FAM107A: variants seen among roughly 807,000 people sequenced by gnomAD.
FAM107A encodes family with sequence similarity 107 member A.
Under a neutral mutation model 13.7 loss-of-function variants are expected in FAM107A, and 19 were observed. The ratio of observed to expected loss-of-function variants is 1.38; its 90% CI spans 0.97 to 2.03. The LOEUF is 2.03. Ranked by LOEUF, FAM107A falls within the 30% of genes most tolerant of loss-of-function variation. The pLI, the probability that FAM107A is intolerant of heterozygous loss-of-function variation, is 0.00. For missense variants in FAM107A, 203 were observed against 184.4 expected (o/e 1.10, Z -0.58); for synonymous variants, 82 against 74.5 (o/e 1.10, Z -0.52).
chr3:58,611,968 T>C (rs990690379), intron 1 of FAM107A, among the ~76,000 whole-genome samples: 1 of 152,142 alleles, frequency 6.6e-6, no homozygotes, highest in Admixed American at 6.5e-5. Context: ...TGTGGTTTTT[T>C]TTCTTCTTCT....
At chr3:58,577,408 G>A (rs1575443278), upstream of FAM107A, 2 of 985,394 alleles carry the variant, frequency 2.0e-6, no homozygotes, top group South Asian at 4.7e-5. The surrounding 1 kb of genome is among the most constrained non-coding windows in gnomAD (Gnocchi z 4.9). Context: ...TGCCTCTAGA[G>A]GGCGGTTCTT....
intron 1 of FAM107A, among the ~76,000 whole-genome samples, chr3:58,583,829 C>G (rs2065575002): frequency 6.6e-6 from 1 of 152,030 alleles, no homozygotes; most frequent in Admixed American, 6.5e-5. Flanking sequence ...CACAGGCATG[C>G]ACCACCATGC....
At chr3:58,599,095 C>T (rs991729605) in intron 1 of FAM107A, among the ~76,000 whole-genome samples, 1 of 151,984 alleles carries the variant, frequency 6.6e-6, no homozygotes, top group Non-Finnish European at 1.5e-5. Context: ...GCATGTACCA[C>T]CATGCCTGGC....
At position 58,614,503 on chromosome 3, in the gene FAM107A, TTTC is replaced by T. The variant is rs1320360716; in HGVS notation, c.-70+12910_-70+12912del. 3.0e-3 allele frequency among the ~76,000 whole-genome samples: 433 copies of T among 143,952 alleles called. 1 individual carries two copies. The highest frequency in any genetic ancestry group is 0.012 in the African/African-American group (416 of 35,090). The allele number at this position is 143,952 out of a possible 152,430, so 94.4% of individuals were successfully genotyped here. A position where few individuals can be genotyped will look rare whatever the true frequency, so the allele number is the denominator to read the frequency against. ...TGATTCAATTTCTTATCTTTCTTTC[TTTC>T]TTTTTTTTTTTTTTTGAGATGCAGT... On this transcript the variant is annotated intron_variant, in intron 1 of 3. Transcript: ENST00000465970.
rs375044401 is a variant in FAM107A at position 58,585,996 on chromosome 3, T to C, written c.79+862A>G. 8.5e-5 allele frequency among the ~76,000 whole-genome samples: 13 copies of C among 152,190 alleles called. No homozygotes were observed. The East Asian group carries it at 2.3e-3, about 27-fold the overall frequency. On this transcript the variant is annotated intron_variant, in intron 1 of 3. Transcript: ENST00000447756. The stretch of plus-strand genomic sequence containing the variant: ...GCACCTATCATCCAACCCCCAACCT[T>C]AAGAAATGAAACCACCCAGTGTTTC...
At chr3:58,598,961 G>C (rs1008921927) in intron 1 of FAM107A, among the ~76,000 whole-genome samples, 3 of 151,474 alleles carry the variant, frequency 2.0e-5, no homozygotes, top group African/African-American at 7.3e-5. Flanking sequence ...TTTTTTTTGA[G>C]ACGGAGTTTT....
intron 1 of FAM107A, among the ~76,000 whole-genome samples, chr3:58,570,671 G>T (rs917254792): frequency 4.9e-5 from 7 of 143,808 alleles, no homozygotes; most frequent in Non-Finnish European, 9.1e-5. Flanking sequence ...GGCCTCAAAG[G>T]TATAGACACT....
intron 1 of FAM107A, among the ~76,000 whole-genome samples, chr3:58,618,154 A>AG (rs1298161618): frequency 1.3e-5 from 2 of 152,186 alleles, no homozygotes; most frequent in Non-Finnish European, 2.9e-5. Flanking sequence ...GTGAGGCTCA[A>AG]GGGGGGTAGG....
chr3:58,613,620 T>C lies in FAM107A; in HGVS notation c.-70+13796A>G, dbSNP rs1334779580. The stretch of plus-strand genomic sequence containing the variant: ...AGAACACTGTTGCCCTCTTTTTGCC[T>C]GGCTTCTTCCTTCAGGACTCTGCTT... On this transcript the variant is annotated intron_variant, in intron 1 of 3. Transcript: ENST00000465970. The surrounding 1 kb of genome is among the most constrained non-coding windows in gnomAD (Gnocchi z 4.6). 6.6e-6 allele frequency among the ~76,000 whole-genome samples: 1 copy of C among 152,224 alleles called. No homozygotes were observed. Among genetic ancestry groups the C allele is most frequent in the African/African-American group, 2.4e-5 (1 of 41,470 alleles).
chr3:58,569,867 T>C lies in FAM107A; in HGVS notation c.-5-2A>G. ...TCTGGATCTCCGAGTACATGGCGGC[T>C]GTAGAGATGGGCAGAGGAGTAGCTC... On this transcript the variant is annotated splice_acceptor_variant, in intron 1 of 3. Transcript: ENST00000360997. LOFTEE classifies it low-confidence loss of function (5UTR_SPLICE). The surrounding 1 kb of genome is among the most constrained non-coding windows in gnomAD (Gnocchi z 5.7). The C allele has an allele frequency of 6.2e-7, 1 of 1,613,500 alleles. No individual in the cohort carries two copies. Among genetic ancestry groups the C allele is most frequent in the East Asian group, 2.2e-5 (1 of 44,876 alleles).
At chr3:58,620,335 C>T (rs2065941986) in intron 1 of FAM107A, among the ~76,000 whole-genome samples, 1 of 152,176 alleles carries the variant, frequency 6.6e-6, no homozygotes, top group South Asian at 2.1e-4. Context: ...CCCAGCCACC[C>T]CTGGTAATCC....
At chr3:58,596,591 A>G (rs1215721464) in intron 1 of FAM107A, among the ~76,000 whole-genome samples, 1 of 151,736 alleles carries the variant, frequency 6.6e-6, no homozygotes, top group Non-Finnish European at 1.5e-5. Flanking sequence ...AGGCAGGAGA[A>G]TCGCTTGAAC....
intron 1 of FAM107A, among the ~76,000 whole-genome samples, chr3:58,594,321 C>T (rs1193594320): frequency 6.6e-6 from 1 of 152,122 alleles, no homozygotes; most frequent in Non-Finnish European, 1.5e-5. Context: ...TTACTTGTAC[C>T]CAACCTCATG....
At chr3:58,587,168 G>A, upstream of FAM107A, 5 of 1,302,478 alleles carry the variant, frequency 3.8e-6, no homozygotes, top group Non-Finnish European at 4.9e-6. Flanking sequence ...GGCAGGGCGC[G>A]GGTGAACGTC....
rs142184262 is a variant in FAM107A at position 58,586,231 on chromosome 3, C to T, written c.79+627G>A. Among the ~76,000 whole-genome samples, 858 of 143,366 alleles carry T rather than the reference C, an allele frequency of 6.0e-3. 12 individuals are homozygous for T. The highest frequency in any genetic ancestry group is 0.021 in the African/African-American group (820 of 38,212). The allele number at this position is 143,366 out of a possible 152,430, so 94.1% of individuals were successfully genotyped here. ...TGGCCCAAACTTCCTGCGCCTACAG[C>T]CGCCTTCAGGCACTTGTGTGAGTCT... is the stretch of plus-strand genomic sequence containing the variant. On this transcript the variant is annotated intron_variant, in intron 1 of 3. Coordinates refer to the FAM107A transcript ENST00000447756.
At chr3:58,618,622 G>T (rs531133457) in intron 1 of FAM107A, among the ~76,000 whole-genome samples, 28 of 152,208 alleles carry the variant, frequency 1.8e-4, no homozygotes, top group Non-Finnish European at 3.1e-4. Context: ...GATTTAAAAA[G>T]AATTAAAATA....
At chr3:58,610,988 C>G (rs183048222) in intron 1 of FAM107A, among the ~76,000 whole-genome samples, 8 of 152,292 alleles carry the variant, frequency 5.3e-5, no homozygotes, top group Non-Finnish European at 1.0e-4. Flanking sequence ...GCTGTTACCC[C>G]TATGCTGTTC....
At chr3:58,572,712 A>G (rs1199498206) in intron 1 of FAM107A, 1 of 152,120 alleles carries the variant, frequency 6.6e-6, no homozygotes, top group Non-Finnish European at 1.5e-5. Context: ...CTTCACTTCC[A>G]ATGGGTGGTC....
intron 1 of FAM107A, among the ~76,000 whole-genome samples, chr3:58,618,712 C>G (rs368970581): frequency 2.0e-5 from 3 of 152,232 alleles, no homozygotes; most frequent in East Asian, 1.9e-4. Context: ...ATCTTGGGCC[C>G]CCTGTGACCT....
Sources: gnomAD v4.1 joint callset for allele counts (sites outside exome capture counted in the v4.1 genomes callset) on GRCh38, gnomAD v4.1.1 for gene constraint, Gnocchi (gnomAD v3.1) non-coding constraint, MANE v1.5 for transcripts, NCBI Gene and HGNC (gene_info 2026-07-23, HGNC 2026-07-21) for gene names.